The following AGAP1 variants were observed in gnomAD, a reference collection of about 807,000 sequenced individuals.
The protein encoded by AGAP1 is arf-GAP with GTPase, ANK repeat and PH domain-containing protein 1.
AGAP1 carries 29 observed loss-of-function variants against 105.3 expected under a neutral mutation model. That is an observed-to-expected ratio of 0.28 (90% CI 0.21 to 0.38). The LOEUF is 0.38. AGAP1 is among the 10% of genes least tolerant of loss of function. The pLI is 1.00. For synonymous variants in AGAP1, 509 were observed against 485.9 expected, an observed-to-expected ratio of 1.05 and a Z score of -0.63; for missense variants, 998 against 1,165.1, an observed-to-expected ratio of 0.86 and a Z score of 2.09.
chr2:235,783,421 T>A (rs998727064), intron 6 of AGAP1: 9 of 470,506 alleles, frequency 1.9e-5, no homozygotes, highest in Non-Finnish European at 4.0e-5. Context: ...TGTTGCTTTC[T>A]TTGTGGTAGG....
At position 235,963,081 on chromosome 2, in the gene AGAP1, G is replaced by A. The variant is rs2054256016; in HGVS notation, c.1484-5381G>A. ...ATGGGTTGGCTGTGGTGGTCTCTTA[G>A]AGGAAGGTGGGTGGTGGTATTTCCA... On this transcript the variant is annotated intron_variant, in intron 12 of 17. Transcript: ENST00000304032. This position sits in a 1 kb window ranked among gnomAD's most constrained non-coding sequence, Gnocchi z 5.1. Among the ~76,000 whole-genome samples the A allele has an allele frequency of 6.6e-6, 1 of 152,166 alleles. No homozygotes were observed. The highest frequency in any genetic ancestry group is 2.4e-5 in the African/African-American group (1 of 41,446).
chr2:235,591,111 G>A (rs942015654), intron 1 of AGAP1, among the ~76,000 whole-genome samples: 12 of 152,056 alleles, frequency 7.9e-5, no homozygotes, highest in African/African-American at 2.9e-4. Context: ...TGCCTTCCGG[G>A]TTCAAGCAAT....
chr2:236,031,716 T>TC (rs1351278091), intron 13 of AGAP1, among the ~76,000 whole-genome samples: 1 of 152,038 alleles, frequency 6.6e-6, no homozygotes, highest in African/African-American at 2.4e-5. Flanking sequence ...TTGCAGGGTC[T>TC]CCATCATTTT....
At chr2:235,617,420 G>C (rs1488835286) in intron 1 of AGAP1, among the ~76,000 whole-genome samples, 4 of 152,176 alleles carry the variant, frequency 2.6e-5, no homozygotes, top group African/African-American at 9.7e-5. Context: ...ATTTGTTTTT[G>C]GCCAGGTGCG....
rs181266875 is a variant in AGAP1, at chr2:235,633,484, C to T, written c.164-75695C>T. 5.9e-5 allele frequency among the ~76,000 whole-genome samples: 9 copies of T among 152,268 alleles called. No individual in the cohort carries two copies. In the East Asian group the frequency reaches 1.7e-3, roughly 29 times the overall value. ...TGGCGGGCTCCTGTAATTCCAGCTA[C>T]TCGGGGGCTAAAGCAGGAGAATCCC... On this transcript the variant is annotated intron_variant, in intron 1 of 17. Coordinates refer to ENST00000304032, the MANE Select transcript of AGAP1 (RefSeq NM_001037131.3). The surrounding 1 kb of genome is among the most constrained non-coding windows in gnomAD (Gnocchi z 4.8).
At chr2:235,846,500 G>GT (rs3059033) in intron 9 of AGAP1, among the ~76,000 whole-genome samples, 2,086 of 141,178 alleles carry the variant, frequency 0.015, 12 homozygotes, top group Non-Finnish European at 0.018. Context: ...CTAATTTTTG[G>GT]TTTTTTTTTT....
At chr2:235,782,195 T>G (rs1956305759) in intron 6 of AGAP1, among the ~76,000 whole-genome samples, 1 of 151,800 alleles carries the variant, frequency 6.6e-6, no homozygotes, top group Non-Finnish European at 1.5e-5. Context: ...CATGGTTGAG[T>G]GGATTTTCAA....
At chr2:235,803,787 C>G (rs1285772640) in intron 8 of AGAP1, among the ~76,000 whole-genome samples, 1 of 151,954 alleles carries the variant, frequency 6.6e-6, no homozygotes, top group Admixed American at 6.6e-5. Context: ...TGTATTAGTC[C>G]AAATTATATG....
chr2:236,059,807 T>A (rs1251666216), intron 16 of AGAP1, among the ~76,000 whole-genome samples: 1 of 152,174 alleles, frequency 6.6e-6, no homozygotes, highest in Non-Finnish European at 1.5e-5. Flanking sequence ...TATCTAATGC[T>A]ATATATAAAA....
intron 13 of AGAP1, among the ~76,000 whole-genome samples, chr2:236,029,779 C>CAA (rs1300513139): frequency 6.6e-6 from 1 of 151,906 alleles, no homozygotes; most frequent in Non-Finnish European, 1.5e-5. Flanking sequence ...CACTCTTTCA[C>CAA]CCAGGCTAGA....
At chr2:235,598,843 ATTTTTAGAT>A (rs549196224) in intron 1 of AGAP1, among the ~76,000 whole-genome samples, 305 of 152,260 alleles carry the variant, frequency 2.0e-3, no homozygotes, top group African/African-American at 7.1e-3. Flanking sequence ...AAGATAATTT[ATTTTTAGAT>A]TTTATTCAAA....
intron 9 of AGAP1, chr2:235,853,206 G>T (rs1339430012): frequency 1.9e-6 from 2 of 1,038,086 alleles, no homozygotes; most frequent in Admixed American, 5.6e-5. Context: ...AGATTGAGCG[G>T]ATCTGTCTTG....
chr2:235,696,532 G>T (rs1411327527), intron 1 of AGAP1, among the ~76,000 whole-genome samples: 1 of 152,202 alleles, frequency 6.6e-6, no homozygotes, highest in Non-Finnish European at 1.5e-5. Context: ...CACAGACCAA[G>T]CTCACAGGGA....
rs1411238366 is a variant in AGAP1, at chr2:235,517,818, C to G, written c.163+22969C>G. Among the ~76,000 whole-genome samples the G allele has an allele frequency of 6.6e-6, 1 of 151,470 alleles. No homozygotes were observed. The highest frequency in any genetic ancestry group is 2.4e-5 in the African/African-American group (1 of 41,202). ...CAGACATGGTGGCGTGTGCCTGTAA[C>G]CCCAGCTACACGGGAGGCTGAGGCA... On this transcript the variant is annotated intron_variant, in intron 1 of 17. Transcript: ENST00000304032. The surrounding 1 kb of genome is among the most constrained non-coding windows in gnomAD (Gnocchi z 4.1).
intron 1 of AGAP1, among the ~76,000 whole-genome samples, chr2:235,671,720 G>A (rs957275192): frequency 6.6e-6 from 1 of 152,160 alleles, no homozygotes; most frequent in African/African-American, 2.4e-5. Context: ...CATAATGTAG[G>A]CTAGCAAAAG....
chr2:235,713,018 C>T (rs1230807476), intron 2 of AGAP1, among the ~76,000 whole-genome samples: 2 of 152,196 alleles, frequency 1.3e-5, no homozygotes, highest in Non-Finnish European at 2.9e-5. Flanking sequence ...CCAAACCAAA[C>T]CCCTTCCCAC....
chr2:235,886,319 A>G (rs1378910684), intron 10 of AGAP1, among the ~76,000 whole-genome samples: 1 of 152,278 alleles, frequency 6.6e-6, no homozygotes, highest in African/African-American at 2.4e-5. Flanking sequence ...ATACATTTCC[A>G]GTCAACATAT....
rs1483538466 is a variant in AGAP1, at chr2:235,535,296, C to T, written c.163+40447C>T. Among the ~76,000 whole-genome samples, 1 of 152,070 alleles carries T rather than the reference C, an allele frequency of 6.6e-6. No individual in the cohort carries two copies. The highest frequency in any genetic ancestry group is 1.5e-5 in the Non-Finnish European group (1 of 68,022). On this transcript the variant is annotated intron_variant, in intron 1 of 17. Transcript: ENST00000304032. This position sits in a 1 kb window ranked among gnomAD's most constrained non-coding sequence, Gnocchi z 5.1. ...GCACGTCTCTTTCAATGCGGGCGTG[C>T]GAACTTCCAGGTAGAGCCGAGTTCA... is the stretch of plus-strand genomic sequence containing the variant.
intron 4 of AGAP1, among the ~76,000 whole-genome samples, chr2:235,743,433 A>AG (rs1413653910): frequency 3.9e-5 from 6 of 152,194 alleles, no homozygotes; most frequent in African/African-American, 1.4e-4. Context: ...TAGAAGAGAC[A>AG]GGAAGAGCCT....
Sources: gnomAD v4.1 joint callset for allele counts (sites outside exome capture counted in the v4.1 genomes callset) on GRCh38, gnomAD v4.1.1 for gene constraint, Gnocchi (gnomAD v3.1) non-coding constraint, MANE v1.5 for transcripts, NCBI Gene and HGNC (gene_info 2026-07-23, HGNC 2026-07-21) for gene names.